The following CECR2 variants were observed in gnomAD, a reference collection of about 807,000 sequenced individuals.
CECR2 encodes CECR2 histone acetyl-lysine reader.
Under a neutral mutation model 154.5 loss-of-function variants are expected in CECR2, and 30 were observed. The ratio of observed to expected loss-of-function variants is 0.19; its 90% CI spans 0.15 to 0.26. CECR2 has a LOEUF of 0.26. Ranked by LOEUF, CECR2 falls within the 10% of genes least tolerant of loss-of-function variation. The probability of loss-of-function intolerance (pLI) is 1.00; values close to 1 mark genes in which losing one functional copy is unlikely to be tolerated. For synonymous variants in CECR2, 725 were observed against 683.7 expected (o/e 1.06, Z -0.94); for missense variants, 1,743 against 1,829.3 (o/e 0.95, Z 0.86).
In CECR2 at chr22:17,548,537, G is replaced by A. The variant is rs1353412481; in HGVS notation, c.3250G>A (p.Gly1084Ser). The A allele has an allele frequency of 6.2e-7, 1 of 1,613,794 alleles. No individual in the cohort carries two copies. The highest frequency in any genetic ancestry group is 1.1e-5 in the South Asian group (1 of 91,044). The change falls in exon 17 of 19, where the codon GGC becomes AGC. Residue 1084 changes from glycine to serine, a missense_variant. Around this residue, in one of 4 missense-constraint regions of CECR2, gnomAD observed 1,250 missense variants for 1,192.1 expected, o/e 1.05. Transcript: ENST00000262608. ...TTCCGAAAAGCTGCTCTGCCCCAGA[G>A]GCAGAACGTTGCAGGAAACCATGCC... ...SGSEKLLCPR[G>S]RTLQETMPCT...
chr22:17,370,078 C>T (rs1345800006), intron 1 of CECR2, among the ~76,000 whole-genome samples, 169 bp downstream of exon 1: 2 of 150,240 alleles, frequency 1.3e-5, no homozygotes, highest in Non-Finnish European at 3.0e-5. Flanking sequence ...CGGGGGCCGC[C>T]GGGCTGTGCC....
chr22:17,436,935 A>C (rs1459392004), intron 1 of CECR2, among the ~76,000 whole-genome samples: 1 of 152,222 alleles, frequency 6.6e-6, no homozygotes, highest in African/African-American at 2.4e-5. Flanking sequence ...GTCATCCCCA[A>C]ATGAATGAAG....
chr22:17,382,099 C>T (rs750457194), intron 1 of CECR2, among the ~76,000 whole-genome samples: 46 of 151,600 alleles, frequency 3.0e-4, no homozygotes, highest in Admixed American at 5.3e-4. Flanking sequence ...GCCGTGTTAG[C>T]CAGGATGGTC....
chr22:17,478,389 T>C (rs539262041), intron 2 of CECR2, among the ~76,000 whole-genome samples: 3 of 134,920 alleles, frequency 2.2e-5, no homozygotes, highest in Non-Finnish European at 4.6e-5. Context: ...GGAGTCTCAC[T>C]CTGTCGCCCA....
chr22:17,511,779 T>C, intron 7 of CECR2, 34 bp from the exon 8 acceptor site: 1 of 1,579,716 alleles, frequency 6.3e-7, no homozygotes, highest in Non-Finnish European at 8.7e-7. Context: ...CCCTAATCTA[T>C]CTTTTCCTTT....
In CECR2 at chr22:17,375,335, G is replaced by A. The variant is rs574675457; in HGVS notation, c.126+5426G>A. On this transcript the variant is annotated intron_variant, in intron 1 of 18. Coordinates refer to ENST00000262608, the MANE Select transcript of CECR2 (RefSeq NM_001290047.2). ...TCTCGATGTTGGTCAGGCTGGCCTC[G>A]AACTCCCGACCTCAGGTGATCCACC... 2.0e-4 allele frequency among the ~76,000 whole-genome samples: 30 copies of A among 151,710 alleles called. No individual in the cohort carries two copies. In the South Asian group the frequency reaches 4.0e-3, roughly 20 times the overall value.
chr22:17,452,270 A>T lies in CECR2; in HGVS notation c.127-25318A>T, dbSNP rs148508415. 3.1e-3 allele frequency among the ~76,000 whole-genome samples: 468 copies of T among 152,200 alleles called. 1 individual carries two copies. Among genetic ancestry groups the T allele is most frequent in the African/African-American group, 0.011 (446 of 41,530 alleles). ...GTATTTTTCGTAGAGACAGGGTTTC[A>T]CCATGTTCTTCAGGGCTGGTCTCGA... On this transcript the variant is annotated intron_variant, in intron 1 of 18. Coordinates refer to ENST00000262608, the MANE Select transcript of CECR2 (RefSeq NM_001290047.2).
intron 1 of CECR2, among the ~76,000 whole-genome samples, chr22:17,461,793 T>C (rs1437828834): frequency 2.5e-5 from 3 of 119,340 alleles, no homozygotes; most frequent in Non-Finnish European, 5.1e-5. Flanking sequence ...TACCCGTTAC[T>C]TTTTTTTTTT....
At chr22:17,486,003 G>A (rs1418451744) in intron 2 of CECR2, among the ~76,000 whole-genome samples, 2 of 151,954 alleles carry the variant, frequency 1.3e-5, no homozygotes, top group East Asian at 3.9e-4. Context: ...TTTTGAAGAC[G>A]AGATCTCACT....
chr22:17,377,333 C>G (rs570668108), intron 1 of CECR2, among the ~76,000 whole-genome samples: 16 of 152,272 alleles, frequency 1.1e-4, no homozygotes, highest in African/African-American at 3.6e-4. Flanking sequence ...GACATGTTCA[C>G]TATCTCTAGT....
intron 8 of CECR2, among the ~76,000 whole-genome samples, chr22:17,521,265 G>A (rs1265766740): frequency 6.6e-6 from 1 of 152,186 alleles, no homozygotes; most frequent in East Asian, 1.9e-4. Flanking sequence ...GTTCGGCCGG[G>A]CGCAGTGGCT....
chr22:17,506,946 G>A (rs115784217), intron 7 of CECR2, among the ~76,000 whole-genome samples: 5,129 of 152,198 alleles, frequency 0.034, 271 homozygotes, highest in African/African-American at 0.11. Context: ...GAGCTACCAC[G>A]TTTAGCCTGC....
chr22:17,367,304 G>C (rs776935258), upstream of CECR2, among the ~76,000 whole-genome samples: 16 of 152,178 alleles, frequency 1.1e-4, no homozygotes, highest in Non-Finnish European at 2.2e-4. Flanking sequence ...AGGCTGGCTA[G>C]TGGTGACAAC....
chr22:17,496,530 G>GA (rs1017341538), intron 2 of CECR2, among the ~76,000 whole-genome samples: 1 of 151,486 alleles, frequency 6.6e-6, no homozygotes, highest in Admixed American at 6.6e-5. Flanking sequence ...AAAAATCAAA[G>GA]AAAAAAAATT....
In CECR2 at chr22:17,552,109, G is replaced by A. The variant is rs371570516; in HGVS notation, c.4356G>A (p.Pro1452=). 3.3e-5 allele frequency: 53 copies of A among 1,613,772 alleles called. No homozygotes were observed. Among genetic ancestry groups the A allele is most frequent in the Non-Finnish European group, 4.2e-5 (50 of 1,179,880 alleles). Residue 1452 remains proline, a synonymous_variant, in exon 18 of 19, where the codon CCG becomes CCA. Coordinates refer to ENST00000262608, the MANE Select transcript of CECR2 (RefSeq NM_001290047.2). The part of the protein sequence containing the change: ...PTAATSQEEV[P]PHKPPTLPLD... ...CAGCAACATCACAGGAGGAGGTGCC[G>A]CCTCATAAGCCTCCAACACTTCCCC...
chr22:17,512,027 T>C (rs1349399357), intron 8 of CECR2, 131 bp downstream of exon 8: 1 of 684,890 alleles, frequency 1.5e-6, no homozygotes, highest in African/African-American at 1.8e-5. Context: ...TATTTAGCAA[T>C]CTTATGCTTA....
chr22:17,487,495 A>G (rs1216471727), intron 2 of CECR2, among the ~76,000 whole-genome samples: 1 of 152,144 alleles, frequency 6.6e-6, no homozygotes, highest in Non-Finnish European at 1.5e-5. Flanking sequence ...GTCAGGAGAT[A>G]GAGACCATCC....
chr22:17,448,074 A>G (rs2054706079), intron 1 of CECR2, among the ~76,000 whole-genome samples: 1 of 152,224 alleles, frequency 6.6e-6, no homozygotes, highest in Non-Finnish European at 1.5e-5. Context: ...TTCCGGAGAA[A>G]ATACAAATAG....
intron 1 of CECR2, among the ~76,000 whole-genome samples, chr22:17,417,852 C>A (rs900572120): frequency 1.3e-5 from 2 of 152,040 alleles, no homozygotes; most frequent in Admixed American, 1.3e-4. Flanking sequence ...AACTCCTGAC[C>A]TCAAGTGATC....
Sources: gnomAD v4.1 joint callset for allele counts (sites outside exome capture counted in the v4.1 genomes callset) on GRCh38, gnomAD v4.1.1 for gene constraint, gnomAD v4.1.1 regional missense constraint, MANE v1.5 for transcripts, NCBI Gene and HGNC (gene_info 2026-07-23, HGNC 2026-07-21) for gene names.